The following MKRN1 variants were observed in gnomAD, a reference collection of about 807,000 sequenced individuals.
MKRN1 encodes the protein E3 ubiquitin-protein ligase makorin-1.
A neutral mutation model predicts 55.5 loss-of-function variants in MKRN1; 9 were observed. The ratio of observed to expected loss-of-function variants is 0.16; its 90% confidence interval spans 0.10 to 0.28. The LOEUF (loss-of-function observed/expected upper bound fraction) is 0.28, where lower values mean the gene tolerates loss of function less well. Ranked by LOEUF, MKRN1 falls within the 10% of genes least tolerant of loss-of-function variation. The pLI, the probability that MKRN1 is intolerant of heterozygous loss-of-function variation, is 1.00. For synonymous variants in MKRN1, 253 were observed against 235.9 expected (o/e 1.07, Z -0.66); for missense variants, 488 against 626.7 (o/e 0.78, Z 2.36).
rs551713759 is a variant in MKRN1, at chr7:140,459,602, C to A, written c.544+105G>T. On this transcript the variant is annotated intron_variant, in intron 3 of 7. Coordinates refer to ENST00000255977, the MANE Select transcript of MKRN1 (RefSeq NM_013446.4). ...ATTAAAGTACTGTACTAAGATTAAA[C>A]TAAAAAAGGAATAGAAGCAGAAAGG... The A allele has an allele frequency of 4.4e-6, 5 of 1,146,234 alleles. No homozygotes were observed. The South Asian group carries it at 7.3e-5, about 17-fold the overall frequency. The allele number at this position is 1,146,234 out of a possible 1,614,324, so 71.0% of individuals were successfully genotyped here.
chr7:140,478,378 CCTCT>C (rs996353845), intron 1 of MKRN1: 9 of 152,264 alleles, frequency 5.9e-5, no homozygotes, highest in Non-Finnish European at 1.2e-4. Flanking sequence ...CAAAACCAAA[CCTCT>C]CTCTCTTCCG....
chr7:140,457,663 A>G (rs1794506072), intron 4 of MKRN1, among the ~76,000 whole-genome samples: 1 of 151,736 alleles, frequency 6.6e-6, no homozygotes, highest in African/African-American at 2.4e-5. Flanking sequence ...GCACTGCTAC[A>G]CTCCAGCCTG....
chr7:140,477,870 G>T (rs1306926858), intron 1 of MKRN1, among the ~76,000 whole-genome samples: 2 of 152,194 alleles, frequency 1.3e-5, no homozygotes, highest in Non-Finnish European at 2.9e-5. Flanking sequence ...TCCATGAGTA[G>T]AAACTTTAAA....
At chr7:140,462,963 C>A (rs936102874) in intron 2 of MKRN1, among the ~76,000 whole-genome samples, 1 of 151,604 alleles carries the variant, frequency 6.6e-6, no homozygotes, top group African/African-American at 2.4e-5. Context: ...TAGACTCCAA[C>A]TCAGAACCAA....
chr7:140,459,673 C>T (rs1794561585), intron 3 of MKRN1, 34 bp downstream of exon 3: 2 of 1,591,730 alleles, frequency 1.3e-6, no homozygotes, highest in African/African-American at 2.7e-5. Context: ...CTATCCAGCC[C>T]TCTAACTCTT....
chr7:140,477,733 C>T (rs561232195), intron 1 of MKRN1, among the ~76,000 whole-genome samples: 1 of 152,338 alleles, frequency 6.6e-6, no homozygotes, highest in South Asian at 2.1e-4. Flanking sequence ...GCTGGGATTA[C>T]AGGCGTGAGC....
intron 1 of MKRN1, among the ~76,000 whole-genome samples, chr7:140,472,916 G>A (rs1231276196): frequency 6.6e-6 from 1 of 151,236 alleles, no homozygotes; most frequent in Non-Finnish European, 1.5e-5. Flanking sequence ...AGGAGATCAA[G>A]ACCATCCTGG....
intron 2 of MKRN1, among the ~76,000 whole-genome samples, chr7:140,470,490 C>CA (rs1436041901): frequency 6.6e-6 from 1 of 151,872 alleles, no homozygotes; most frequent in East Asian, 1.9e-4. Flanking sequence ...GAAGATGAGG[C>CA]AGGAGAATCG....
At position 140,476,656 on chromosome 7, in the gene MKRN1, C is replaced by CTCAGG. The variant is rs575355799; in HGVS notation, c.185+2499_185+2503dup. Among the ~76,000 whole-genome samples, 619 of 150,212 alleles carry CTCAGG rather than the reference C, an allele frequency of 4.1e-3. 5 individuals are homozygous for CTCAGG. The highest frequency in any genetic ancestry group is 0.014 in the African/African-American group (559 of 40,418). On this transcript the variant is annotated intron_variant, in intron 1 of 7. Coordinates refer to ENST00000255977, the MANE Select transcript of MKRN1 (RefSeq NM_013446.4). ...CACTCAAGCATTTACTCAGTATCTG[C>CTCAGG]TCAGGATACTCAGTAACTGAGTATC...
intron 2 of MKRN1, among the ~76,000 whole-genome samples, chr7:140,470,713 C>G (rs866932281): frequency 2.0e-5 from 3 of 152,038 alleles, no homozygotes; most frequent in South Asian, 2.1e-4. Context: ...GTCAGGAGTT[C>G]GAGACTAGCC....
rs1468541936 is a variant in MKRN1, at chr7:140,453,708, C to T, written c.*809G>A. The T allele has an allele frequency of 2.6e-5, 4 of 152,422 alleles. No individual in the cohort carries two copies. The highest frequency in any genetic ancestry group is 9.7e-5 in the African/African-American group (4 of 41,446). 9.4% of individuals were successfully genotyped at this position (152,422 alleles called of 1,614,324 possible). A position where few individuals can be genotyped will look rare whatever the true frequency, so the allele number is the denominator to read the frequency against. ...TTTGCCCTTTAAGATCTATCTGCCA[C>T]ACAAGGCTTAAACCACTAAACCAGG... On this transcript the variant is annotated 3_prime_UTR_variant, in exon 8 of 8. Transcript: ENST00000255977.
chr7:140,471,259 C>T (rs933364495), intron 2 of MKRN1, among the ~76,000 whole-genome samples: 3 of 151,940 alleles, frequency 2.0e-5, no homozygotes, highest in African/African-American at 7.2e-5. Context: ...TCCCTGTGGT[C>T]CCAGCTACTT....
In MKRN1 at chr7:140,474,499, A is replaced by T. The variant is rs184049917; in HGVS notation, c.186-2488T>A. The T allele has an allele frequency of 6.2e-3, 1,945 of 313,622 alleles. 11 individuals are homozygous for T. The highest frequency in any genetic ancestry group is 0.021 in the African/African-American group (946 of 44,504). 19.4% of individuals were successfully genotyped at this position (313,622 alleles called of 1,614,324 possible). ...GCCACTGAGACTCCGTCTCAAAAAA[A>T]AAATAAATAAATAAAAGGCTGTAGA... is the stretch of plus-strand genomic sequence containing the variant. On this transcript the variant is annotated intron_variant, in intron 1 of 7. Transcript: ENST00000255977.
intron 1 of MKRN1, chr7:140,472,253 G>T (rs950682164): frequency 2.5e-5 from 11 of 446,034 alleles, no homozygotes; most frequent in Non-Finnish European, 4.5e-5. Context: ...TGGGCAACAT[G>T]GTGAAACCCC....
At chr7:140,455,700 G>A (rs1794448442) in intron 6 of MKRN1, 90 bp downstream of exon 6, 1 of 1,008,052 alleles carries the variant, frequency 9.9e-7, no homozygotes, top group Non-Finnish European at 1.5e-6. Flanking sequence ...TAGGAAGGAG[G>A]TAGGAGTGTA....
rs566154288 is a variant in MKRN1 at position 140,468,002 on chromosome 7, C to CAAA, written c.314+3878_314+3880dup. On this transcript the variant is annotated intron_variant, in intron 2 of 7. Transcript: ENST00000255977. ...GGGCAACAAGAGCGAAATTCTGTCT[C>CAAA]AAAAAAAAAAAAAAAAAAATGCAGA... is the stretch of plus-strand genomic sequence containing the variant. 1.1e-3 allele frequency among the ~76,000 whole-genome samples: 101 copies of CAAA among 88,774 alleles called. 2 individuals are homozygous for CAAA. Among genetic ancestry groups the CAAA allele is most frequent in the African/African-American group, 3.5e-3 (85 of 24,582 alleles). 58.2% of individuals were successfully genotyped at this position (88,774 alleles called of 152,430 possible).
intron 1 of MKRN1, chr7:140,473,137 T>G: frequency 2.6e-6 from 1 of 389,348 alleles, no homozygotes; most frequent in Non-Finnish European, 4.9e-6. Context: ...AGATATAGTC[T>G]ACGTCAAAGA....
chr7:140,464,432 G>A (rs980104681), intron 2 of MKRN1, among the ~76,000 whole-genome samples: 2 of 151,838 alleles, frequency 1.3e-5, no homozygotes, highest in Non-Finnish European at 2.9e-5. Context: ...AGCCAGGCAC[G>A]GTGGCTCACA....
chr7:140,460,209 T>C (rs1794579181), intron 2 of MKRN1: 1 of 339,048 alleles, frequency 2.9e-6, no homozygotes, highest in Admixed American at 4.7e-5. Flanking sequence ...ATCATGCCAC[T>C]GTACTCCAGC....
Sources: gnomAD v4.1 joint callset for allele counts (sites outside exome capture counted in the v4.1 genomes callset) on GRCh38, gnomAD v4.1.1 for gene constraint, MANE v1.5 for transcripts, NCBI Gene and HGNC (gene_info 2026-07-23, HGNC 2026-07-21) for gene names.